Variants in NLGN1 observed in about 807,000 individuals in gnomAD.
NLGN1 encodes the protein neuroligin-1.
Under a neutral mutation model 65.5 loss-of-function variants are expected in NLGN1, and 12 were observed. The observed-to-expected ratio is 0.18, with a 90% confidence interval of 0.12 to 0.30. The LOEUF is 0.30. NLGN1 is among the 10% of genes least tolerant of loss of function. The pLI is 1.00. For synonymous variants in NLGN1, 350 were observed against 359.5 expected, an observed-to-expected ratio of 0.97 and a Z score of 0.30; for missense variants, 750 against 1,007.1, an observed-to-expected ratio of 0.74 and a Z score of 3.46.
intron 4 of NLGN1, among the ~76,000 whole-genome samples, chr3:173,865,402 G>T (rs1729935661): frequency 1.3e-5 from 2 of 151,942 alleles, no homozygotes; most frequent in South Asian, 2.1e-4. Context: ...CTAGTAGTTT[G>T]CTTAGTTCTT....
chr3:173,548,262 A>T (rs963398668), intron 2 of NLGN1, among the ~76,000 whole-genome samples: 6 of 152,126 alleles, frequency 3.9e-5, no homozygotes, highest in Middle Eastern at 3.2e-3. Context: ...CTCTAAAATT[A>T]ATTTCTGGTC....
At chr3:173,942,360 T>C (rs1489021663) in intron 4 of NLGN1, among the ~76,000 whole-genome samples, 1 of 152,080 alleles carries the variant, frequency 6.6e-6, no homozygotes, top group Non-Finnish European at 1.5e-5. Context: ...TCTAATAGTG[T>C]TGGCTTGAAG....
At chr3:173,734,151 A>G (rs986159603) in intron 3 of NLGN1, among the ~76,000 whole-genome samples, 1 of 151,920 alleles carries the variant, frequency 6.6e-6, no homozygotes, top group Admixed American at 6.6e-5. Flanking sequence ...ACATTTTTTC[A>G]TTTTAGGAAA....
At chr3:173,915,056 C>A (rs1164383067) in intron 4 of NLGN1, 2 of 152,174 alleles carry the variant, frequency 1.3e-5, no homozygotes, top group African/African-American at 4.8e-5. Context: ...TTCAGTTAGA[C>A]TTGGGCTCTT....
At chr3:173,980,953 A>G (rs1409181159) in intron 4 of NLGN1, among the ~76,000 whole-genome samples, 1 of 152,154 alleles carries the variant, frequency 6.6e-6, no homozygotes, top group Admixed American at 6.6e-5. Context: ...AGACTTTCCC[A>G]ATTATTTTAG....
chr3:173,737,225 CCTCA>C (rs771863498), intron 3 of NLGN1, among the ~76,000 whole-genome samples: 3 of 68,196 alleles, frequency 4.4e-5, no homozygotes, highest in Non-Finnish European at 8.4e-5. Flanking sequence ...TATAAAGCCT[CCTCA>C]CTAAGAAAAA....
intron 4 of NLGN1, among the ~76,000 whole-genome samples, chr3:174,203,678 C>A (rs1293058590): frequency 1.3e-5 from 2 of 152,162 alleles, no homozygotes; most frequent in Non-Finnish European, 1.5e-5. Context: ...ACATAGGATG[C>A]CATCTTATGT....
At chr3:173,542,269 T>C (rs1440364865) in intron 2 of NLGN1, among the ~76,000 whole-genome samples, 3 of 152,050 alleles carry the variant, frequency 2.0e-5, no homozygotes, top group Admixed American at 2.0e-4. Context: ...TTTTGTTTTA[T>C]GTATGCAGAC....
chr3:173,692,238 C>A (rs1364227037), intron 3 of NLGN1, among the ~76,000 whole-genome samples: 3 of 152,092 alleles, frequency 2.0e-5, no homozygotes, highest in African/African-American at 7.2e-5. Flanking sequence ...ATTAATTATT[C>A]TGCTGGTAGA....
chr3:173,955,289 T>C (rs912381768), intron 4 of NLGN1, among the ~76,000 whole-genome samples: 3 of 152,172 alleles, frequency 2.0e-5, no homozygotes, highest in African/African-American at 7.2e-5. Context: ...CTGATGCCGC[T>C]CATAGAGCAT....
intron 3 of NLGN1, among the ~76,000 whole-genome samples, chr3:173,743,644 G>A (rs1334032018): frequency 6.6e-6 from 1 of 152,090 alleles, no homozygotes. Context: ...TGTCTAAGTG[G>A]AAAATGTTTC....
chr3:173,566,621 T>C (rs937516853), intron 2 of NLGN1, among the ~76,000 whole-genome samples: 4 of 152,142 alleles, frequency 2.6e-5, no homozygotes, highest in Non-Finnish European at 1.5e-5. Context: ...CCAGACTCCC[T>C]CTCTACCCTC....
chr3:173,470,059 T>C (rs1725064958), intron 2 of NLGN1, among the ~76,000 whole-genome samples: 1 of 151,934 alleles, frequency 6.6e-6, no homozygotes, highest in Non-Finnish European at 1.5e-5. Flanking sequence ...TCTGGACATA[T>C]GTTCTCAGAT....
At chr3:173,927,017 A>T (rs1743121871) in intron 4 of NLGN1, among the ~76,000 whole-genome samples, 1 of 152,164 alleles carries the variant, frequency 6.6e-6, no homozygotes, top group Non-Finnish European at 1.5e-5. Context: ...CAAACTTCTC[A>T]TTCCTTTTCT....
chr3:173,413,770 A>G (rs556797136), intron 1 of NLGN1, among the ~76,000 whole-genome samples: 1 of 152,216 alleles, frequency 6.6e-6, no homozygotes, highest in Admixed American at 6.5e-5. Context: ...TCAGGGCCAG[A>G]GCAGCAGGTC....
chr3:173,589,808 A>G (rs76720811), intron 2 of NLGN1, among the ~76,000 whole-genome samples: 3,007 of 152,198 alleles, frequency 0.02, 69 homozygotes, highest in East Asian at 0.11. Flanking sequence ...GACACACCCA[A>G]TGAATGGTAG....
At chr3:173,595,123 G>T (rs1233089140) in intron 2 of NLGN1, among the ~76,000 whole-genome samples, 1 of 152,212 alleles carries the variant, frequency 6.6e-6, no homozygotes, top group Non-Finnish European at 1.5e-5. Flanking sequence ...AATTTCTGCA[G>T]CTGGCTTGAA....
At chr3:173,533,713 G>T (rs1267873380) in intron 2 of NLGN1, among the ~76,000 whole-genome samples, 4 of 152,192 alleles carry the variant, frequency 2.6e-5, no homozygotes, top group Non-Finnish European at 5.9e-5. Context: ...GCCGGGCTCG[G>T]TGGCACGTGC....
At chr3:173,624,016 A>G (rs1754433617) in intron 3 of NLGN1, among the ~76,000 whole-genome samples, 1 of 152,166 alleles carries the variant, frequency 6.6e-6, no homozygotes, top group South Asian at 2.1e-4. Flanking sequence ...ACATGTATAG[A>G]GTTCAGGAGT....
Sources: allele counts gnomAD v4.1 joint callset (sites outside exome capture counted in the v4.1 genomes callset), GRCh38; gene constraint gnomAD v4.1.1; transcripts MANE v1.5; gene names NCBI Gene and HGNC (gene_info 2026-07-23, HGNC 2026-07-21).